Variants in DNAH11 observed in about 807,000 individuals in gnomAD.
DNAH11 encodes dynein axonemal heavy chain 11, also known as axonemal beta dynein heavy chain 11.
DNAH11 carries 442 observed loss-of-function variants against 526.0 expected under a neutral mutation model. That is an observed-to-expected ratio of 0.84 (90% confidence interval 0.78 to 0.91). DNAH11 has a LOEUF of 0.91. Ranked by LOEUF, DNAH11 falls within the 40% of genes least tolerant of loss-of-function variation. The probability of loss-of-function intolerance (pLI) is 0.00; values close to 1 mark genes in which losing one functional copy is unlikely to be tolerated. For synonymous variants in DNAH11, 2,461 were observed against 1,935.9 expected (o/e 1.27, Z -7.12); for missense variants, 6,989 against 5,448.7 (o/e 1.28, Z -8.90).
At position 21,735,776 on chromosome 7, in the gene DNAH11, GTC is replaced by G. The variant is rs1223268225; in HGVS notation, c.7583_7584del (p.Ser2528Ter). 6.2e-7 allele frequency: 1 copy of G among 1,613,864 alleles called. No homozygotes were observed. Among genetic ancestry groups the G allele is most frequent in the Non-Finnish European group, 8.5e-7 (1 of 1,179,896 alleles). ...GTCTTTGTAGGTGACACATTGGCAA[GTC>G]TCTCTGAGGATTACATAGTATCCCG... On this transcript the variant is annotated frameshift_variant, in exon 46 of 82. Coordinates refer to ENST00000409508, the MANE Select transcript of DNAH11 (RefSeq NM_001277115.2). LOFTEE classifies it high-confidence loss of function.
intron 46 of DNAH11, among the ~76,000 whole-genome samples, chr7:21,736,912 T>C (rs573748598): frequency 6.6e-6 from 1 of 152,242 alleles, no homozygotes; most frequent in Non-Finnish European, 1.5e-5. Context: ...GGTATGTTTT[T>C]CATTTGCAGA....
At chr7:21,882,869 T>G (rs1181543806) in intron 75 of DNAH11, among the ~76,000 whole-genome samples, 1 of 152,090 alleles carries the variant, frequency 6.6e-6, no homozygotes, top group Non-Finnish European at 1.5e-5. Flanking sequence ...TTTAAATAAT[T>G]ATTGAAAAGA....
chr7:21,879,726 G>A (rs912092880), intron 74 of DNAH11, among the ~76,000 whole-genome samples: 1 of 152,148 alleles, frequency 6.6e-6, no homozygotes, highest in South Asian at 2.1e-4. Context: ...GCTGATGGGT[G>A]CCCCTGCCAT....
chr7:21,875,877 C>CTTTTTTTTTTTTTTTTTTTTTTTTTTTTT (rs35349937), intron 74 of DNAH11, among the ~76,000 whole-genome samples: 1 of 78,938 alleles, frequency 1.3e-5, no homozygotes, highest in Non-Finnish European at 2.3e-5. Flanking sequence ...AAGAATATTT[C>CTTTTTTTTTTTTTTTTTTTTTTTTTTTTT]TTTTTTTTTT....
At chr7:21,727,187 C>A (rs1482996780) in intron 45 of DNAH11, among the ~76,000 whole-genome samples, 1 of 151,900 alleles carries the variant, frequency 6.6e-6, no homozygotes, top group Non-Finnish European at 1.5e-5. Flanking sequence ...CCCACCTCGG[C>A]CTCCCAGAGT....
At chr7:21,740,753 C>G (rs1442544652) in intron 48 of DNAH11, among the ~76,000 whole-genome samples, 3 of 152,194 alleles carry the variant, frequency 2.0e-5, no homozygotes, top group Non-Finnish European at 4.4e-5. Flanking sequence ...AATACAATTG[C>G]TGCATCATAT....
chr7:21,900,167 T>C, intron 81 of DNAH11, 47 bp downstream of exon 81: 1 of 1,568,652 alleles, frequency 6.4e-7, no homozygotes, highest in Admixed American at 1.9e-5. Context: ...TTACTCAGGT[T>C]CAGATCAGTG....
chr7:21,592,696 T>G (rs1784732248), intron 14 of DNAH11, among the ~76,000 whole-genome samples: 1 of 152,194 alleles, frequency 6.6e-6, no homozygotes, highest in Non-Finnish European at 1.5e-5. Flanking sequence ...TGGGTCATAG[T>G]GCTAGTGATC....
intron 65 of DNAH11, among the ~76,000 whole-genome samples, chr7:21,828,219 G>A (rs553711920): frequency 1.2e-4 from 19 of 152,264 alleles, no homozygotes; most frequent in African/African-American, 4.6e-4. Context: ...AAAGTGCTGG[G>A]ATTGCAGGCA....
chr7:21,742,657 C>T (rs1254492933), intron 49 of DNAH11, among the ~76,000 whole-genome samples: 2 of 152,152 alleles, frequency 1.3e-5, no homozygotes, highest in Non-Finnish European at 2.9e-5. Flanking sequence ...ATACTGTTAA[C>T]GGTGTTCCTT....
intron 23 of DNAH11, chr7:21,618,297 T>A (rs1167012574): frequency 6.5e-6 from 1 of 152,676 alleles, no homozygotes; most frequent in Non-Finnish European, 1.5e-5. Context: ...TTTGGTCCTC[T>A]TATGCAGAGG....
chr7:21,776,392 A>T (rs187392647), intron 56 of DNAH11, among the ~76,000 whole-genome samples: 8 of 152,336 alleles, frequency 5.3e-5, no homozygotes, highest in Admixed American at 1.3e-4. Context: ...ATGGTTTCCT[A>T]TGTGGAGAAT....
intron 66 of DNAH11, among the ~76,000 whole-genome samples, chr7:21,846,654 G>C (rs1349711152): frequency 6.6e-6 from 1 of 152,044 alleles, no homozygotes; most frequent in East Asian, 1.9e-4. Context: ...AGAGATATCG[G>C]TCCGTAGTTG....
At chr7:21,801,663 TAAAG>T (rs1789000953) in intron 62 of DNAH11, among the ~76,000 whole-genome samples, 7 of 152,184 alleles carry the variant, frequency 4.6e-5, no homozygotes, top group Admixed American at 4.6e-4. Flanking sequence ...AAAACAAAAA[TAAAG>T]CATGTTTTTC....
At chr7:21,672,293 T>G (rs1406995671) in intron 30 of DNAH11, among the ~76,000 whole-genome samples, 1 of 152,210 alleles carries the variant, frequency 6.6e-6, no homozygotes, top group Non-Finnish European at 1.5e-5. Flanking sequence ...AGCTCCAGAC[T>G]ACTTTTCTAA....
Position 21,599,932 on chromosome 7 carries a change from T to C in DNAH11, c.2813T>C (p.Leu938Ser), listed in dbSNP as rs1489140637. Residue 938 changes from leucine (L) to serine (S), a missense_variant, in exon 15 of 82, where the codon TTG becomes TCG. By Grantham distance (145) the Leu-to-Ser change is moderately radical (BLOSUM62 -2). Transcript: ENST00000409508. ...TTTCTGAAGAATACAGAGAAACAAT[T>C]GAAACCGGCACCGTTTTTTCAAGCA... Reference protein sequence around the residue: ...DFFLKNTEKQLKPAPFFQAQM... With the variant: ...DFFLKNTEKQSKPAPFFQAQM... The C allele has an allele frequency of 3.1e-6, 5 of 1,613,634 alleles. No individual in the cohort carries two copies. Among genetic ancestry groups the C allele is most frequent in the South Asian group, 2.2e-5 (2 of 91,064 alleles).
At chr7:21,900,463 A>AAATTTGCTCTAATGTTTT (rs1322882025) in intron 81 of DNAH11, among the ~76,000 whole-genome samples, 1 of 102,446 alleles carries the variant, frequency 9.8e-6, no homozygotes, top group Non-Finnish European at 2.5e-5. Context: ...AACTGTCAGT[A>AAATTTGCTCTAATGTTTT]AATTTGCTCT....
rs373706559 is a variant in DNAH11 at position 21,620,003 on chromosome 7, C to A, written c.4425C>A (p.Tyr1475Ter). The A allele has an allele frequency of 8.7e-6, 14 of 1,608,614 alleles. No individual in the cohort carries two copies. The highest frequency in any genetic ancestry group is 1.1e-5 in the South Asian group (1 of 89,142). Reference protein sequence around the residue: ...SQTWATMKFSYEVHYRTGIPL... With the variant: ...SQTWATMKFS ...CCTGGGCAACCATGAAGTTTTCTTA[C>A]GAAGTTCACTATCGAACAGGCATTC... The change falls in exon 25 of 82, where the codon TAC becomes TAA. Residue 1475 changes from tyrosine (Y) to a stop codon, truncating the protein, a stop_gained. Coordinates refer to ENST00000409508, the MANE Select transcript of DNAH11 (RefSeq NM_001277115.2). LOFTEE classifies it high-confidence loss of function.
intron 14 of DNAH11, 123 bp downstream of exon 14, chr7:21,591,700 T>C (rs1180806749): frequency 4.1e-6 from 4 of 987,600 alleles, no homozygotes; most frequent in Non-Finnish European, 5.5e-6. Context: ...ATGAATGGTA[T>C]TATTAGGCAT....
Sources: allele counts gnomAD v4.1 joint callset (sites outside exome capture counted in the v4.1 genomes callset), GRCh38; gene constraint gnomAD v4.1.1; transcripts MANE v1.5; gene names NCBI Gene and HGNC (gene_info 2026-07-23, HGNC 2026-07-21).